ECHDC2: variants seen among roughly 807,000 people sequenced by gnomAD.
ECHDC2 encodes the protein enoyl-CoA hydratase domain-containing protein 2, mitochondrial.
In ECHDC2, 34 loss-of-function variants were observed where a neutral mutation model predicts 40.6. The observed-to-expected ratio is 0.84, with a 90% CI of 0.64 to 1.11. The LOEUF is 1.11. Among genes scored for constraint, ECHDC2 ranks in the 50% most tolerant of loss-of-function variants. The probability of loss-of-function intolerance (pLI) is 0.00; values close to 1 mark genes in which losing one functional copy is unlikely to be tolerated. For synonymous variants in ECHDC2, 162 were observed against 166.6 expected (o/e 0.97, Z 0.21); for missense variants, 392 against 400.7 (o/e 0.98, Z 0.19).
At chr1:52,915,958 G>A (rs1194420988) in intron 1 of ECHDC2, among the ~76,000 whole-genome samples, 4 of 152,208 alleles carry the variant, frequency 2.6e-5, no homozygotes, top group African/African-American at 9.6e-5. Context: ...AGTGACCCCC[G>A]GCCAACAATC....
intron 3 of ECHDC2, among the ~76,000 whole-genome samples, chr1:52,909,144 T>C (rs943844105): frequency 2.8e-4 from 43 of 152,122 alleles, no homozygotes; most frequent in Admixed American, 1.3e-4. Context: ...TGTGGAGACA[T>C]GGAACCCTGG....
rs1458105794 is a variant in ECHDC2, at chr1:52,908,008, TC to T, written c.278-55del. On this transcript the variant is annotated intron_variant, in intron 3 of 9. Coordinates refer to ENST00000371522, the MANE Select transcript of ECHDC2 (RefSeq NM_001198961.2). ...CTTAGGAAAATGGCACTTTACGGAATCCCAGGCGGTTAAAGGATCCAGCAAA... is the reference window on the plus strand; with the variant it reads ...CTTAGGAAAATGGCACTTTACGGAATCCAGGCGGTTAAAGGATCCAGCAAA... 7 of 1,551,818 alleles carry T rather than the reference TC, an allele frequency of 4.5e-6. No homozygotes were observed. In the African/African-American group the frequency reaches 6.8e-5, roughly 15 times the overall value.
intron 3 of ECHDC2, among the ~76,000 whole-genome samples, chr1:52,908,318 T>C (rs1557498967): frequency 6.6e-6 from 1 of 151,814 alleles, no homozygotes; most frequent in South Asian, 2.1e-4. Context: ...AAGACCAACA[T>C]GGTGAAACCC....
In ECHDC2 at chr1:52,897,449, C is replaced by T; in HGVS notation, c.789G>A (p.Met263Ile). The T allele has an allele frequency of 6.2e-7, 1 of 1,614,206 alleles. No homozygotes were observed. Among genetic ancestry groups the T allele is most frequent in the South Asian group, 1.1e-5 (1 of 91,084 alleles). Residue 263 changes from methionine to isoleucine, a missense_variant, in exon 9 of 10, where the codon ATG becomes ATA. Coordinates refer to ENST00000371522, the MANE Select transcript of ECHDC2 (RefSeq NM_001198961.2). The part of the protein sequence containing the change: ...DIASGMAIEG[M>I]CYAQNIPTRD... ...GGTTGCTACATACCTGGGCATAGCA[C>T]ATCCCTTCAATGGCCATCCCAGATG...
At chr1:52,906,405 G>T in intron 5 of ECHDC2, 114 bp downstream of exon 5, 1 of 931,682 alleles carries the variant, frequency 1.1e-6, no homozygotes, top group Non-Finnish European at 1.7e-6. Flanking sequence ...CCTTAGTTTT[G>T]CTTTTGGTTG....
intron 7 of ECHDC2, among the ~76,000 whole-genome samples, chr1:52,902,562 T>G (rs961610931): frequency 1.3e-5 from 2 of 152,330 alleles, no homozygotes; most frequent in East Asian, 3.9e-4. Flanking sequence ...AGTGCTGGGA[T>G]TACAGGCGTG....
rs1388607852 is a variant in ECHDC2, at chr1:52,904,817, C to A, written c.531G>T (p.Leu177=). The A allele has an allele frequency of 6.2e-7, 1 of 1,612,210 alleles. No individual in the cohort carries two copies. Among genetic ancestry groups the A allele is most frequent in the Non-Finnish European group, 8.5e-7 (1 of 1,179,412 alleles). The change falls in exon 7 of 10, where the codon CTG becomes CTT. Residue 177 remains leucine (L), a synonymous_variant. Coordinates refer to ENST00000371522, the MANE Select transcript of ECHDC2 (RefSeq NM_001198961.2). ...LLPGAGGTQR[L]PRCLGVALAK... ...CCAGGGCCACCCCCAGACAACGGGG[C>A]AGCCTCTGAGTCCCTCCTACCAGGA...
intron 7 of ECHDC2, among the ~76,000 whole-genome samples, chr1:52,902,756 A>G (rs1242520999): frequency 3.3e-5 from 5 of 152,094 alleles, no homozygotes; most frequent in East Asian, 3.8e-4. Flanking sequence ...TACCTTTTTT[A>G]TATTGCATTC....
chr1:52,908,082 C>A (rs1356368293), intron 3 of ECHDC2, 128 bp from the exon 4 acceptor site: 2 of 753,112 alleles, frequency 2.7e-6, no homozygotes, highest in East Asian at 2.7e-5. Flanking sequence ...ACACCAGGAA[C>A]CCGGGCAAGG....
chr1:52,915,614 G>A (rs1211339386), intron 1 of ECHDC2, among the ~76,000 whole-genome samples: 1 of 152,168 alleles, frequency 6.6e-6, no homozygotes, highest in Admixed American at 6.6e-5. Context: ...GCAGTGGATA[G>A]AGAGATGCCA....
At position 52,908,659 on chromosome 1, in the gene ECHDC2, C is replaced by T. The variant is rs143415261; in HGVS notation, c.278-705G>A. Among the ~76,000 whole-genome samples the T allele has an allele frequency of 5.5e-4, 83 of 150,824 alleles. No homozygotes were observed. In the East Asian group the frequency reaches 0.016, roughly 29 times the overall value. On this transcript the variant is annotated intron_variant, in intron 3 of 9. Coordinates refer to ENST00000371522, the MANE Select transcript of ECHDC2 (RefSeq NM_001198961.2). The stretch of plus-strand genomic sequence containing the variant: ...ATTCAGAAATGGGCAAAGGGCCAGG[C>T]GCAGTGGCTCACACCTGTAATCCCA...
At chr1:52,912,799 T>G (rs1381573764) in intron 1 of ECHDC2, 3 of 152,276 alleles carry the variant, frequency 2.0e-5, no homozygotes, top group Non-Finnish European at 4.4e-5. Context: ...GCGATTCTCC[T>G]GCCTCAGCCT....
At chr1:52,915,201 G>A in intron 1 of ECHDC2, 1 of 455,916 alleles carries the variant, frequency 2.2e-6, no homozygotes, top group South Asian at 1.5e-5. Context: ...TCTTCCCAGG[G>A]CTGAAATCCA....
In ECHDC2 at chr1:52,911,610, C is replaced by A; in HGVS notation, c.233G>T (p.Arg78Leu). ...LAQLREDRQV[R>L]VLLFRSGVKG... ...CACTCCACTTCTGAAGAGCAGGACACGCACTTGCCGGTCCTCCCGCAGCTG... is the reference window on the plus strand; with the variant it reads ...CACTCCACTTCTGAAGAGCAGGACAAGCACTTGCCGGTCCTCCCGCAGCTG... Residue 78 changes from arginine (R) to leucine (L), a missense_variant, in exon 3 of 10, where the codon CGT becomes CTT. Physicochemically the swap from Arg to Leu is moderately radical, Grantham distance 102 (BLOSUM62 -2). Coordinates refer to ENST00000371522, the MANE Select transcript of ECHDC2 (RefSeq NM_001198961.2). 6.2e-7 allele frequency: 1 copy of A among 1,614,156 alleles called. No individual in the cohort carries two copies. Among genetic ancestry groups the A allele is most frequent in the Non-Finnish European group, 8.5e-7 (1 of 1,180,038 alleles).
chr1:52,897,329 C>CTGTT, intron 9 of ECHDC2, 108 bp downstream of exon 9: 1 of 1,121,216 alleles, frequency 8.9e-7, no homozygotes, highest in South Asian at 1.2e-5. Context: ...TGCGGTCAGA[C>CTGTT]TGTTTGTGTT....
chr1:52,910,090 T>C (rs1431145986), intron 3 of ECHDC2, among the ~76,000 whole-genome samples: 3 of 152,116 alleles, frequency 2.0e-5, no homozygotes, highest in Non-Finnish European at 4.4e-5. Flanking sequence ...AAATATGATA[T>C]GATTCTACTG....
At chr1:52,913,143 C>T (rs1298804842) in intron 1 of ECHDC2, 1 of 152,154 alleles carries the variant, frequency 6.6e-6, no homozygotes, top group African/African-American at 2.4e-5. Flanking sequence ...GTGGAGGAGC[C>T]TGGGGTATTT....
At chr1:52,899,036 A>G (rs1477172797) in intron 8 of ECHDC2, 138 bp downstream of exon 8, 1 of 830,138 alleles carries the variant, frequency 1.2e-6, no homozygotes, top group Non-Finnish European at 2.1e-6. Context: ...GACGTAGAGC[A>G]CGAGGTCAGA....
rs183886407 is a variant in ECHDC2 at position 52,914,952 on chromosome 1, C to T, written c.122-3162G>A. On this transcript the variant is annotated intron_variant, in intron 1 of 9. Coordinates refer to ENST00000371522, the MANE Select transcript of ECHDC2 (RefSeq NM_001198961.2). This position sits in a 1 kb window ranked among gnomAD's most constrained non-coding sequence, Gnocchi z 4.0. ...TTTGGGTCACAGTCATCTTTCTTAC[C>T]CCAATCCGACCACGTCCCTCCCCTT... Among the ~76,000 whole-genome samples the T allele has an allele frequency of 3.9e-5, 6 of 152,204 alleles. No individual in the cohort carries two copies. In the South Asian group the frequency reaches 1.2e-3, roughly 32 times the overall value.
Sources: allele counts gnomAD v4.1 joint callset (sites outside exome capture counted in the v4.1 genomes callset), GRCh38; gene constraint gnomAD v4.1.1; non-coding constraint Gnocchi (gnomAD v3.1); transcripts MANE v1.5; gene names NCBI Gene and HGNC (gene_info 2026-07-23, HGNC 2026-07-21).